Variants in SCN7A observed in about 807,000 individuals in gnomAD.
SCN7A encodes the protein sodium channel protein type 7 subunit alpha.
In SCN7A, 138 loss-of-function variants were observed where a neutral mutation model predicts 155.2. That is an observed-to-expected ratio of 0.89 (90% confidence interval 0.77 to 1.02). The LOEUF (loss-of-function observed/expected upper bound fraction) is 1.02. Ranked by LOEUF, SCN7A falls within the 50% of genes least tolerant of loss-of-function variation. The probability of loss-of-function intolerance (pLI) is 0.00; values close to 1 mark genes in which losing one functional copy is unlikely to be tolerated. For synonymous variants in SCN7A, 693 were observed against 649.0 expected (o/e 1.07, Z -1.03); for missense variants, 2,058 against 1,986.6 (o/e 1.04, Z -0.68).
chr2:166,421,560 AGTT>A (rs1266789396), intron 19 of SCN7A, among the ~76,000 whole-genome samples: 6 of 152,008 alleles, frequency 3.9e-5, no homozygotes, highest in Non-Finnish European at 8.8e-5. Flanking sequence ...GATAAATAAA[AGTT>A]GTATATTTTA....
chr2:166,429,090 T>C (rs1262946142), intron 17 of SCN7A, 79 bp downstream of exon 17: 3 of 683,950 alleles, frequency 4.4e-6, no homozygotes, highest in Non-Finnish European at 7.2e-6. Flanking sequence ...TTGACTGACA[T>C]ACTGGATATG....
intron 25 of SCN7A, 112 bp downstream of exon 25, chr2:166,409,553 G>A: frequency 1.2e-6 from 1 of 826,918 alleles, no homozygotes; most frequent in Admixed American, 3.4e-5. Flanking sequence ...TGCTTATTAG[G>A]AGACTATATT....
In SCN7A at chr2:166,443,560, TA is replaced by T; in HGVS notation, c.1742del (p.Leu581Ter). 1 of 1,595,412 alleles carries T rather than the reference TA, an allele frequency of 6.3e-7. No individual in the cohort carries two copies. On this transcript the variant is annotated frameshift_variant, in exon 14 of 26. Transcript: ENST00000643258. LOFTEE classifies it high-confidence loss of function. ...CAACATTTGCTAGACAAAGTTCTAT[TA>T]AACCATGGAACACTATCATGCTATC... ...IFDSMIVFHGLIELCLANVAG... is the reference protein window; with the variant it reads ...IFDSMIVFHGXIELCLANVAG...
chr2:166,408,307 C>T (rs1701120735), intron 25 of SCN7A, among the ~76,000 whole-genome samples: 1 of 151,950 alleles, frequency 6.6e-6, no homozygotes, highest in South Asian at 2.1e-4. Flanking sequence ...CAATAATTGA[C>T]TCACTGTCTC....
chr2:166,405,730 T>G lies in SCN7A; in HGVS notation c.4899A>C (p.Gln1633His), dbSNP rs1350138260. 6.2e-7 allele frequency: 1 copy of G among 1,613,064 alleles called. No homozygotes were observed. Among genetic ancestry groups the G allele is most frequent in the Admixed American group, 1.7e-5 (1 of 59,884 alleles). ...KQEAVSATII[Q>H]RAYKNYRLRR... ...TCAAGCGGTAATTTTTATAAGCACG[T>G]TGAATGATGGTTGCTGAAACTGCCT... The change falls in exon 26 of 26, where the codon CAA becomes CAC. Residue 1633 changes from glutamine to histidine, a missense_variant. Gln to His is a conservative substitution (Grantham distance 24). Coordinates refer to ENST00000643258, the MANE Select transcript of SCN7A (RefSeq NM_002976.4).
chr2:166,412,589 G>C lies in SCN7A; in HGVS notation c.3547C>G (p.Leu1183Val). 1 of 1,518,768 alleles carries C rather than the reference G, an allele frequency of 6.6e-7. No individual in the cohort carries two copies. Among genetic ancestry groups the C allele is most frequent in the Non-Finnish European group, 8.8e-7 (1 of 1,135,528 alleles). 94.1% of individuals were successfully genotyped at this position (1,518,768 alleles called of 1,614,324 possible). A position where few individuals can be genotyped will look rare whatever the true frequency, so the allele number is the denominator to read the frequency against. The change falls in exon 23 of 26, where the codon CTC (leucine) becomes GTC (valine). Residue 1183 changes from leucine to valine, a missense_variant. Coordinates refer to ENST00000643258, the MANE Select transcript of SCN7A (RefSeq NM_002976.4). ...FINFIIFGVF[L>V]PLSMLITVII... ...ACAGTAATCAGCATACTCAGAGGGA[G>C]AAATACTCCAAATATAATAAAGTTG...
At chr2:166,471,428 A>G (rs1341585663) in intron 6 of SCN7A, among the ~76,000 whole-genome samples, 5 of 151,888 alleles carry the variant, frequency 3.3e-5, no homozygotes, top group African/African-American at 9.7e-5. Flanking sequence ...GCTAACAGAA[A>G]CAGCAAAACA....
chr2:166,414,132 T>C lies in SCN7A; in HGVS notation c.3415-1011A>G, dbSNP rs1701282109. Among the ~76,000 whole-genome samples, 3 of 79,916 alleles carry C rather than the reference T, an allele frequency of 3.8e-5. 1 individual carries two copies. The East Asian group carries it at 1.0e-3, about 27-fold the overall frequency. The allele number at this position is 79,916 out of a possible 152,430, so 52.4% of individuals were successfully genotyped here. On this transcript the variant is annotated intron_variant, in intron 21 of 25. Coordinates refer to ENST00000643258, the MANE Select transcript of SCN7A (RefSeq NM_002976.4). ...ATATAAATATATATAATATATTATATATATGTAAATATATATAAATATATA... is the reference window on the plus strand; with the variant it reads ...ATATAAATATATATAATATATTATACATATGTAAATATATATAAATATATA...
At position 166,490,467 on chromosome 2, in the gene SCN7A, T is replaced by C. The variant is rs574028164; in HGVS notation, c.-127-3499A>G. On this transcript the variant is annotated intron_variant, in intron 1 of 25. Transcript: ENST00000643258. ...AGCTGAAATTAGTTTGTCAAAGAGA[T>C]ATCTGCTCTCCCATGTTTCCTGCAG... 7.8e-4 allele frequency among the ~76,000 whole-genome samples: 119 copies of C among 152,332 alleles called. 3 individuals are homozygous for C. In the South Asian group the frequency reaches 0.024, roughly 31 times the overall value.
chr2:166,493,480 T>G (rs1454974252), intron 1 of SCN7A, among the ~76,000 whole-genome samples: 1 of 152,238 alleles, frequency 6.6e-6, no homozygotes, highest in Non-Finnish European at 1.5e-5. Context: ...CTGACTAAAC[T>G]GAGCACACCA....
At chr2:166,408,497 C>T (rs752660115) in intron 25 of SCN7A, among the ~76,000 whole-genome samples, 4 of 152,002 alleles carry the variant, frequency 2.6e-5, no homozygotes, top group Admixed American at 2.0e-4. Context: ...TCTCTGACTG[C>T]AATTGCTTTT....
chr2:166,457,052 A>G lies in SCN7A; in HGVS notation c.1108T>C (p.Tyr370His). Reference protein sequence around the residue: ...HQILYASGKVYMIFFVVVSFL... With the variant: ...HQILYASGKVHMIFFVVVSFL... ...CTTACCACCACAAAAAATATCATGT[A>G]GACCTTCCCAGAAGCATAAAGTATC... The change falls in exon 11 of 26, where the codon TAC becomes CAC. Residue 370 changes from tyrosine (Y) to histidine (H), a missense_variant. By Grantham distance (83) the Tyr-to-His change is moderately conservative. Coordinates refer to ENST00000643258, the MANE Select transcript of SCN7A (RefSeq NM_002976.4). The G allele has an allele frequency of 6.2e-7, 1 of 1,608,862 alleles. No individual in the cohort carries two copies. Among genetic ancestry groups the G allele is most frequent in the Admixed American group, 1.7e-5 (1 of 59,612 alleles).
rs1701036402 is a variant in SCN7A, at chr2:166,405,048, C to A, written c.*532G>T. 1 of 151,942 alleles carries A rather than the reference C, an allele frequency of 6.6e-6. No individual in the cohort carries two copies. The highest frequency in any genetic ancestry group is 6.6e-5 in the Admixed American group (1 of 15,202). The allele number at this position is 151,942 out of a possible 1,614,324, so 9.4% of individuals were successfully genotyped here. ...CTTTTTCAAATGCAGTTTTAATCAG[C>A]CCAAGAATCTCTGAGGTTGATCTCA... On this transcript the variant is annotated 3_prime_UTR_variant, in exon 26 of 26. Transcript: ENST00000643258.
intron 23 of SCN7A, among the ~76,000 whole-genome samples, chr2:166,412,092 T>C (rs534518465): frequency 6.6e-6 from 1 of 152,208 alleles, no homozygotes; most frequent in East Asian, 1.9e-4. Context: ...TTAGGATTTA[T>C]GACTCTCTCT....
At chr2:166,474,669 C>T (rs986095286) in intron 3 of SCN7A, among the ~76,000 whole-genome samples, 14 of 151,558 alleles carry the variant, frequency 9.2e-5, no homozygotes, top group African/African-American at 2.9e-4. Flanking sequence ...CAATGGCTCA[C>T]GAAGATCCAT....
At chr2:166,480,237 C>T (rs905415604) in intron 2 of SCN7A, among the ~76,000 whole-genome samples, 18 of 152,176 alleles carry the variant, frequency 1.2e-4, no homozygotes, top group Admixed American at 1.0e-3. Flanking sequence ...GCGGGCAGAT[C>T]ACGAGGTCTG....
intron 16 of SCN7A, among the ~76,000 whole-genome samples, chr2:166,430,438 A>G (rs1701710312): frequency 6.6e-6 from 1 of 151,850 alleles, no homozygotes; most frequent in South Asian, 2.1e-4. Context: ...TTTATTTGAG[A>G]CTAGGCATTA....
At chr2:166,431,636 T>A (rs546627940) in intron 16 of SCN7A, among the ~76,000 whole-genome samples, 1 of 151,932 alleles carries the variant, frequency 6.6e-6, no homozygotes, top group African/African-American at 2.4e-5. Flanking sequence ...TCCAGTAGGG[T>A]GTATATTTTA....
In SCN7A at chr2:166,470,673, A is replaced by C; in HGVS notation, c.606T>G (p.Ile202Met). 2 of 1,609,288 alleles carry C rather than the reference A, an allele frequency of 1.2e-6. No individual in the cohort carries two copies. The highest frequency in any genetic ancestry group is 1.3e-5 in the African/African-American group (1 of 74,826). ...AAGTTCTTGCAGTTTGAAGCGTTGG[A>C]ATGAAGTCCAGAGGTGAGTATCTTA... ...VIIRYSPLDFIPTLQTARTLR... is the reference protein window; with the variant it reads ...VIIRYSPLDFMPTLQTARTLR... The change falls in exon 7 of 26, where the codon ATT becomes ATG. Residue 202 changes from isoleucine (I) to methionine (M), a missense_variant. Transcript: ENST00000643258.
Sources: gnomAD v4.1 joint callset for allele counts (sites outside exome capture counted in the v4.1 genomes callset) on GRCh38, gnomAD v4.1.1 for gene constraint, MANE v1.5 for transcripts, NCBI Gene and HGNC (gene_info 2026-07-23, HGNC 2026-07-21) for gene names.